The following AVL9 variants were observed in gnomAD, a reference collection of about 807,000 sequenced individuals.
AVL9 encodes the protein late secretory pathway protein AVL9 homolog.
Under a neutral mutation model 79.2 loss-of-function variants are expected in AVL9, and 49 were observed. The observed-to-expected ratio is 0.62, with a 90% CI of 0.49 to 0.79. AVL9 has a LOEUF of 0.79. AVL9 is among the 30% of genes least tolerant of loss of function. The pLI is 0.00. For missense variants in AVL9, 682 were observed against 776.8 expected (o/e 0.88, Z 1.45); for synonymous variants, 299 against 280.6 (o/e 1.07, Z -0.65).
rs1311455721 is a variant in AVL9 at position 32,559,275 on chromosome 7, C to T, written c.1026C>T (p.Pro342=). ...TGGATCCTAGTGTCTTAGAGGACCC[C>T]AACTTGAAAGAAAGGGAACAGCTGG... ...ETLDPSVLED[P]NLKEREQLGS... The change falls in exon 10 of 16, where the codon CCC becomes CCT. Residue 342 remains proline (P), a synonymous_variant. Transcript: ENST00000318709. 1.9e-6 allele frequency: 3 copies of T among 1,614,154 alleles called. No individual in the cohort carries two copies. The Admixed American group carries it at 5.0e-5, about 27-fold the overall frequency.
intron 1 of AVL9, among the ~76,000 whole-genome samples, chr7:32,528,934 C>G (rs1246612952): frequency 6.6e-6 from 1 of 152,092 alleles, no homozygotes; most frequent in Non-Finnish European, 1.5e-5. Flanking sequence ...GGCGTGAACC[C>G]AGGGAGCAGA....
chr7:32,500,413 G>A (rs867946162), intron 1 of AVL9, among the ~76,000 whole-genome samples: 8 of 152,066 alleles, frequency 5.3e-5, no homozygotes, highest in African/African-American at 1.2e-4. Context: ...CATATCCTTC[G>A]CCCACTTTTT....
intron 1 of AVL9, among the ~76,000 whole-genome samples, chr7:32,527,465 G>T (rs1788454057): frequency 6.6e-6 from 1 of 152,142 alleles, no homozygotes; most frequent in Non-Finnish European, 1.5e-5. Flanking sequence ...CGAGACTACA[G>T]TAGCTCAGTG....
intron 2 of AVL9, among the ~76,000 whole-genome samples, chr7:32,544,472 A>G (rs1237414096): frequency 6.6e-6 from 1 of 152,206 alleles, no homozygotes; most frequent in Admixed American, 6.5e-5. Context: ...TTGACCTGTT[A>G]TAATTCAGTC....
At position 32,573,414 on chromosome 7, in the gene AVL9, A is replaced by G. The variant is rs371581477; in HGVS notation, c.1566A>G (p.Gln522=). ...ATGCCCTGCTGGCTGCCACACTGCA[A>G]TTAGGTAAGAAACCACACGGAGCCT... ...YIHALLAATL[Q]LDNEKILSDY... is the part of the protein sequence containing the mutation. Residue 522 remains glutamine, a synonymous_variant, in exon 12 of 16, where the codon CAA becomes CAG. Coordinates refer to ENST00000318709, the MANE Select transcript of AVL9 (RefSeq NM_015060.3). 44 of 1,612,894 alleles carry G rather than the reference A, an allele frequency of 2.7e-5. No individual in the cohort carries two copies. In the African/African-American group the frequency reaches 4.0e-4, roughly 15 times the overall value.
intron 4 of AVL9, among the ~76,000 whole-genome samples, chr7:32,549,212 TA>T (rs1279617981): frequency 2.0e-5 from 1 of 50,964 alleles, no homozygotes; most frequent in Admixed American, 3.4e-4. Flanking sequence ...AAAAAAATTT[TA>T]TATATATATA....
At chr7:32,531,313 A>G (rs920647822) in intron 1 of AVL9, among the ~76,000 whole-genome samples, 4 of 115,770 alleles carry the variant, frequency 3.5e-5, no homozygotes, top group Non-Finnish European at 5.6e-5. Flanking sequence ...CATTCCTCAG[A>G]TAAGTTTTCT....
At chr7:32,576,504 A>G (rs1791105827) in intron 13 of AVL9, among the ~76,000 whole-genome samples, 1 of 152,124 alleles carries the variant, frequency 6.6e-6, no homozygotes, top group South Asian at 2.1e-4. Flanking sequence ...TAAAGTTAAT[A>G]TCTGAAGCTG....
intron 1 of AVL9, among the ~76,000 whole-genome samples, chr7:32,512,267 G>A (rs776022137): frequency 2.6e-5 from 4 of 152,224 alleles, no homozygotes; most frequent in Non-Finnish European, 5.9e-5. Flanking sequence ...TTGGGGCCTA[G>A]GAGAGCAGTT....
chr7:32,567,430 G>T (rs1010092834), intron 10 of AVL9, among the ~76,000 whole-genome samples: 1 of 152,020 alleles, frequency 6.6e-6, no homozygotes, highest in South Asian at 2.1e-4. Context: ...AAGCTGTTTT[G>T]AACTATTTTA....
chr7:32,503,674 C>G (rs1026918299), intron 1 of AVL9, among the ~76,000 whole-genome samples: 1 of 142,174 alleles, frequency 7.0e-6, no homozygotes, highest in African/African-American at 2.7e-5. Flanking sequence ...GTGCACATGG[C>G]TACAAGGTTC....
intron 1 of AVL9, chr7:32,535,619 T>G (rs1788869908): frequency 3.9e-5 from 6 of 152,214 alleles, no homozygotes. Flanking sequence ...TTTGCTCAAA[T>G]AAACTGTTAA....
At position 32,559,390 on chromosome 7, in the gene AVL9, G is replaced by A; in HGVS notation, c.1141G>A (p.Val381Ile). ...ACAACCTCAAGCTAATACGGGACAG[G>A]TAGTCCTGATACCAGGGCTCATTTC... is the stretch of plus-strand genomic sequence containing the variant. Reference protein sequence around the residue: ...TVQPQANTGQVVLIPGLISGL... With the variant: ...TVQPQANTGQIVLIPGLISGL... Residue 381 changes from valine to isoleucine, a missense_variant, in exon 10 of 16, where the codon GTA (valine) becomes ATA (isoleucine). Val to Ile is a conservative substitution (Grantham distance 29). Transcript: ENST00000318709. 1.2e-6 allele frequency: 2 copies of A among 1,613,004 alleles called. No individual in the cohort carries two copies. The highest frequency in any genetic ancestry group is 1.7e-6 in the Non-Finnish European group (2 of 1,179,666).
chr7:32,585,635 G>A lies in AVL9; in HGVS notation c.*1728G>A, dbSNP rs950476499. The A allele has an allele frequency of 1.3e-5, 2 of 152,126 alleles. No homozygotes were observed. The highest frequency in any genetic ancestry group is 1.5e-5 in the Non-Finnish European group (1 of 68,014). The allele number at this position is 152,126 out of a possible 1,614,324, so 9.4% of individuals were successfully genotyped here. A position where few individuals can be genotyped will look rare whatever the true frequency, so the allele number is the denominator to read the frequency against. On this transcript the variant is annotated 3_prime_UTR_variant, in exon 16 of 16. Coordinates refer to ENST00000318709, the MANE Select transcript of AVL9 (RefSeq NM_015060.3). ...ATGTTTAAGAAGTAAATGCTCCCAA[G>A]GCATTTGAAATGAACATAGAAACAT...
rs70992725 is a variant in AVL9 at position 32,523,508 on chromosome 7, C to CTTTTTTTT, written c.94-19615_94-19608dup. 1.5e-3 allele frequency among the ~76,000 whole-genome samples: 115 copies of CTTTTTTTT among 79,282 alleles called. 3 individuals carry two copies. Among genetic ancestry groups the CTTTTTTTT allele is most frequent in the Admixed American group, 1.6e-3 (8 of 5,116 alleles). The allele number at this position is 79,282 out of a possible 152,430, so 52.0% of individuals were successfully genotyped here. A position where few individuals can be genotyped will look rare whatever the true frequency, so the allele number is the denominator to read the frequency against. ...ACATGTTAATAGAATTATAAATTTC[C>CTTTTTTTT]TTTTTTTTTTTTTTTTTTTTTTTTT... On this transcript the variant is annotated intron_variant, in intron 1 of 15. Coordinates refer to ENST00000318709, the MANE Select transcript of AVL9 (RefSeq NM_015060.3).
intron 11 of AVL9, among the ~76,000 whole-genome samples, chr7:32,572,684 C>T (rs925805409): frequency 2.0e-5 from 3 of 150,420 alleles, no homozygotes; most frequent in Non-Finnish European, 4.4e-5. Flanking sequence ...CGCCTGTAGT[C>T]CCAGCTACTC....
chr7:32,578,230 G>C lies in AVL9; in HGVS notation c.1689-1989G>C, dbSNP rs185301552. Among the ~76,000 whole-genome samples, 345 of 152,264 alleles carry C rather than the reference G, an allele frequency of 2.3e-3. 5 individuals are homozygous for C. The highest frequency in any genetic ancestry group is 0.011 in the South Asian group (53 of 4,820). ...AACTTCACAGGTAGCAGCCCTCAGA[G>C]AGAATTGATGGTAAATGTTTCTTTC... On this transcript the variant is annotated intron_variant, in intron 13 of 15. Coordinates refer to ENST00000318709, the MANE Select transcript of AVL9 (RefSeq NM_015060.3).
intron 11 of AVL9, among the ~76,000 whole-genome samples, chr7:32,571,248 A>G (rs1790831074): frequency 6.8e-6 from 1 of 146,434 alleles, no homozygotes; most frequent in Non-Finnish European, 1.5e-5. Flanking sequence ...AAAAAAAAAA[A>G]GCCAGCTGCA....
intron 6 of AVL9, among the ~76,000 whole-genome samples, chr7:32,552,861 C>T (rs1789894497): frequency 6.6e-6 from 1 of 152,008 alleles, no homozygotes; most frequent in South Asian, 2.1e-4. Context: ...AGCTTAATTC[C>T]CTATCATAAC....
Sources: gnomAD v4.1 joint callset for allele counts (sites outside exome capture counted in the v4.1 genomes callset) on GRCh38, gnomAD v4.1.1 for gene constraint, MANE v1.5 for transcripts, NCBI Gene and HGNC (gene_info 2026-07-23, HGNC 2026-07-21) for gene names.